ASTN2: variants seen among roughly 807,000 people sequenced by gnomAD.
ASTN2 encodes astrotactin 2.
A neutral mutation model predicts 139.8 loss-of-function variants in ASTN2; 54 were observed. That is an observed-to-expected ratio of 0.39 (90% CI 0.31 to 0.48). The LOEUF (loss-of-function observed/expected upper bound fraction) is 0.48. Ranked by LOEUF, ASTN2 falls within the 20% of genes least tolerant of loss-of-function variation. The pLI is 0.95. For synonymous variants in ASTN2, 756 were observed against 719.5 expected (o/e 1.05, Z -0.81); for missense variants, 1,565 against 1,725.1 (o/e 0.91, Z 1.64).
chr9:116,788,925 C>A (rs1023805318), intron 13 of ASTN2, among the ~76,000 whole-genome samples: 1 of 152,162 alleles, frequency 6.6e-6, no homozygotes, highest in Non-Finnish European at 1.5e-5. Context: ...ATAATAAGCT[C>A]TTGATGTGTA....
chr9:116,862,586 C>T (rs1451966058), intron 11 of ASTN2, among the ~76,000 whole-genome samples: 3 of 152,086 alleles, frequency 2.0e-5, no homozygotes, highest in South Asian at 2.1e-4. Flanking sequence ...AGAGAAGGTA[C>T]AAGAAAAGGT....
At chr9:116,786,060 C>G (rs1306340475) in intron 13 of ASTN2, among the ~76,000 whole-genome samples, 2 of 152,164 alleles carry the variant, frequency 1.3e-5, no homozygotes, top group Non-Finnish European at 2.9e-5. Flanking sequence ...TGCCCCGCCT[C>G]CTTCCCCTCT....
intron 13 of ASTN2, among the ~76,000 whole-genome samples, chr9:116,774,400 T>G (rs1394205592): frequency 6.6e-6 from 1 of 152,182 alleles, no homozygotes; most frequent in Non-Finnish European, 1.5e-5. Context: ...AAGTAAGCTA[T>G]TTGGGAGTGG....
At chr9:117,171,482 T>C (rs1830791719) in intron 3 of ASTN2, among the ~76,000 whole-genome samples, 1 of 152,180 alleles carries the variant, frequency 6.6e-6, no homozygotes, top group South Asian at 2.1e-4. Context: ...TAGTACCTGG[T>C]ATGGAGTAAT....
rs572645495 is a variant in ASTN2 at position 117,371,345 on chromosome 9, T to C, written c.442+43152A>G. ...AAAACTAAAAGGGTCTATATATTTT[T>C]AATATGGTAACATCCCTCCCTGCCT... is the stretch of plus-strand genomic sequence containing the variant. On this transcript the variant is annotated intron_variant, in intron 1 of 22. Coordinates refer to ENST00000313400, the MANE Select transcript of ASTN2 (RefSeq NM_001365068.1). Among the ~76,000 whole-genome samples the C allele has an allele frequency of 1.9e-4, 29 of 152,292 alleles. No individual in the cohort carries two copies. The South Asian group carries it at 5.6e-3, about 29-fold the overall frequency.
At chr9:117,118,359 T>C (rs895110002) in intron 4 of ASTN2, among the ~76,000 whole-genome samples, 6 of 151,982 alleles carry the variant, frequency 3.9e-5, no homozygotes, top group African/African-American at 1.2e-4. Flanking sequence ...CACTGATCCC[T>C]TTTTTTCCTC....
At position 117,126,185 on chromosome 9, in the gene ASTN2, G is replaced by C. The variant is rs141867360; in HGVS notation, c.1168+15141C>G. ...GGATATTCAGTAAAGGACCCTTTTT[G>C]TTGCTGCCTTATTTCTGTCAAGTTT... On this transcript the variant is annotated intron_variant, in intron 4 of 22. Transcript: ENST00000313400. Among the ~76,000 whole-genome samples the C allele has an allele frequency of 8.8e-3, 1,336 of 152,174 alleles. 17 individuals carry two copies. Among genetic ancestry groups the C allele is most frequent in the African/African-American group, 0.031 (1,281 of 41,538 alleles).
In ASTN2 at chr9:116,731,663, A is replaced by T. The variant is rs1191436815; in HGVS notation, c.2521+1736T>A. On this transcript the variant is annotated intron_variant, in intron 14 of 22. Coordinates refer to ENST00000313400, the MANE Select transcript of ASTN2 (RefSeq NM_001365068.1). ...GGTCTCAAACTCCTGACCTCAGGTG[A>T]TCAACCTGCCTCGGACTCCCAAAGT... 2.7e-4 allele frequency among the ~76,000 whole-genome samples: 41 copies of T among 152,168 alleles called. 2 individuals carry two copies. The highest frequency in any genetic ancestry group is 2.7e-3 in the Admixed American group (41 of 15,274).
intron 5 of ASTN2, among the ~76,000 whole-genome samples, chr9:117,092,144 T>C (rs147109153): frequency 0.013 from 1,923 of 152,338 alleles, 27 homozygotes; most frequent in Middle Eastern, 0.044. Context: ...GAGCCATGTC[T>C]GAGACTCAGG....
At chr9:116,509,997 G>C (rs1317674540) in intron 19 of ASTN2, among the ~76,000 whole-genome samples, 1 of 152,112 alleles carries the variant, frequency 6.6e-6, no homozygotes, top group African/African-American at 2.4e-5. Flanking sequence ...CTGTGCAGAA[G>C]CTCTTTAATT....
In ASTN2 at chr9:116,424,285, C is replaced by A. The variant is rs982436801; in HGVS notation, c.*1566G>T. On this transcript the variant is annotated 3_prime_UTR_variant, in exon 23 of 23. Coordinates refer to ENST00000313400, the MANE Select transcript of ASTN2 (RefSeq NM_001365068.1). The stretch of plus-strand genomic sequence containing the variant: ...CCCCCTAAGCTATCATCACCTCCTT[C>A]ATGGAAAATGACAATGGCACCCCTC... 1.3e-5 allele frequency among the ~76,000 whole-genome samples: 2 copies of A among 152,174 alleles called. No individual in the cohort carries two copies. Among genetic ancestry groups the A allele is most frequent in the African/African-American group, 2.4e-5 (1 of 41,438 alleles).
In ASTN2 at chr9:116,554,554, G is replaced by T. The variant is rs1587991884; in HGVS notation, c.3355+63770C>A. On this transcript the variant is annotated intron_variant, in intron 19 of 22. Transcript: ENST00000313400. ...ATAGTGCTTCAAATTAAGTCATGAA[G>T]GATGGCTTGTTTTAGTGCTAATATG... is the stretch of plus-strand genomic sequence containing the variant. Among the ~76,000 whole-genome samples the T allele has an allele frequency of 2.0e-5, 3 of 152,196 alleles. No individual in the cohort carries two copies. In the East Asian group the frequency reaches 5.8e-4, roughly 29 times the overall value.
chr9:117,164,182 T>C (rs1440089949), intron 3 of ASTN2, among the ~76,000 whole-genome samples: 1 of 152,098 alleles, frequency 6.6e-6, no homozygotes, highest in Non-Finnish European at 1.5e-5. Context: ...TAGAGGTATG[T>C]GAAACCTTCA....
At chr9:116,692,892 T>C (rs1860644142) in intron 16 of ASTN2, among the ~76,000 whole-genome samples, 1 of 152,156 alleles carries the variant, frequency 6.6e-6, no homozygotes, top group South Asian at 2.1e-4. Context: ...TCATACTTAG[T>C]CTCTGCTTGA....
chr9:117,367,838 A>C (rs1829886205), intron 1 of ASTN2, among the ~76,000 whole-genome samples: 1 of 152,150 alleles, frequency 6.6e-6, no homozygotes, highest in Non-Finnish European at 1.5e-5. Context: ...GAATCATAGA[A>C]ACCTGGAGGA....
chr9:117,323,659 A>G (rs1564146316), intron 1 of ASTN2, among the ~76,000 whole-genome samples: 1 of 152,220 alleles, frequency 6.6e-6, no homozygotes, highest in Non-Finnish European at 1.5e-5. Context: ...AACCTTCAGT[A>G]TTATAACTCA....
At chr9:116,454,269 C>T (rs1032044079) in intron 20 of ASTN2, among the ~76,000 whole-genome samples, 1 of 152,072 alleles carries the variant, frequency 6.6e-6, no homozygotes, top group Non-Finnish European at 1.5e-5. Context: ...AAAGACTATA[C>T]CCTATGACAA....
intron 13 of ASTN2, among the ~76,000 whole-genome samples, chr9:116,793,223 T>C (rs1243070072): frequency 6.6e-6 from 1 of 152,184 alleles, no homozygotes; most frequent in East Asian, 1.9e-4. Context: ...TGCTCAGACA[T>C]ATATACATAA....
In ASTN2 at chr9:117,329,239, C is replaced by T. The variant is rs180786336; in HGVS notation, c.443-37726G>A. Among the ~76,000 whole-genome samples, 1,286 of 143,918 alleles carry T rather than the reference C, an allele frequency of 8.9e-3. 7 individuals are homozygous for T. The highest frequency in any genetic ancestry group is 0.013 in the Non-Finnish European group (869 of 66,268). The allele number at this position is 143,918 out of a possible 152,430, so 94.4% of individuals were successfully genotyped here. On this transcript the variant is annotated intron_variant, in intron 1 of 22. Transcript: ENST00000313400. The stretch of plus-strand genomic sequence containing the variant: ...AAATTTTTATTATAAGCATTTGCTA[C>T]CCTTTAAAATAATTGAAACAAGATT...
Sources: gnomAD v4.1 joint callset for allele counts (sites outside exome capture counted in the v4.1 genomes callset) on GRCh38, gnomAD v4.1.1 for gene constraint, MANE v1.5 for transcripts, NCBI Gene and HGNC (gene_info 2026-07-23, HGNC 2026-07-21) for gene names.